AGAP4: variants seen among roughly 807,000 people sequenced by gnomAD.
AGAP4 encodes the protein arf-GAP with GTPase, ANK repeat and PH domain-containing protein 4.
AGAP4 carries 13 observed loss-of-function variants against 60.7 expected under a neutral mutation model. The observed-to-expected ratio is 0.21, with a 90% CI of 0.14 to 0.34. The LOEUF (loss-of-function observed/expected upper bound fraction) is 0.34. Among genes scored for constraint, AGAP4 ranks in the 10% least tolerant of loss-of-function variants. AGAP4 has a pLI of 1.00. For missense variants in AGAP4, 169 were observed against 884.0 expected (o/e 0.19, Z 10.26); for synonymous variants, 70 against 339.0 (o/e 0.21, Z 8.72).
At chr10:45,844,268 C>A in intron 3 of AGAP4, 58 bp downstream of exon 3, 3 of 1,591,536 alleles carry the variant, frequency 1.9e-6, no homozygotes, top group Non-Finnish European at 2.5e-6. Context: ...CTTTCTATAA[C>A]CTGATCAAAC....
At chr10:45,854,064 G>C (rs1435814768), upstream of AGAP4, 95 of 333,026 alleles carry the variant, frequency 2.9e-4, 1 homozygote, top group East Asian at 4.2e-3. Flanking sequence ...GCAGACAATA[G>C]CTACGACCTG....
chr10:45,831,907 T>C (rs2058737698), intron 5 of AGAP4, among the ~76,000 whole-genome samples: 1 of 148,130 alleles, frequency 6.8e-6, no homozygotes, highest in Non-Finnish European at 1.5e-5. Flanking sequence ...GCCCAGATAA[T>C]GTTTTTTTGG....
Position 45,834,041 on chromosome 10 carries a change from G to C in AGAP4, c.472C>G (p.His158Asp), listed in dbSNP as rs1252895719. 1.3e-6 allele frequency: 2 copies of C among 1,594,540 alleles called. No individual in the cohort carries two copies. Among genetic ancestry groups the C allele is most frequent in the African/African-American group, 2.8e-5 (2 of 71,250 alleles). ...GATATTATTGTCATTGTAAGATAAT[G>C]CTGGATGGCTGTGCTGTCATCAAGG... Reference protein sequence around the residue: ...IFLDDSTAIQHYLTMTIISVT... With the variant: ...IFLDDSTAIQDYLTMTIISVT... The change falls in exon 5 of 8, where the codon CAT (histidine) becomes GAT (aspartate). Residue 158 changes from histidine (H) to aspartate (D), a missense_variant. Physicochemically the swap from His to Asp is moderately conservative, Grantham distance 81 (BLOSUM62 -1). Coordinates refer to ENST00000616763, the MANE Select transcript of AGAP4 (RefSeq NM_001276343.3).
chr10:45,835,061 C>A (rs1324409262), intron 4 of AGAP4, among the ~76,000 whole-genome samples: 2 of 139,162 alleles, frequency 1.4e-5, no homozygotes, highest in Admixed American at 1.4e-4. Flanking sequence ...GCGTGAGCCA[C>A]GGCGCCCAGC....
chr10:45,846,052 T>C (rs1288425386), intron 2 of AGAP4, among the ~76,000 whole-genome samples: 18 of 134,152 alleles, frequency 1.3e-4, no homozygotes, highest in African/African-American at 4.0e-4. Context: ...AAAGTCTACA[T>C]TGACGTTTCA....
chr10:45,834,143 A>G, intron 4 of AGAP4, 27 bp from the exon 5 acceptor site: 1 of 1,531,120 alleles, frequency 6.5e-7, no homozygotes, highest in Non-Finnish European at 8.9e-7. Context: ...GTGTAAGTCA[A>G]ACTTATCAAA....
chr10:45,853,367 T>G (rs1238615737), intron 1 of AGAP4, among the ~76,000 whole-genome samples: 1 of 151,398 alleles, frequency 6.6e-6, no homozygotes, highest in Non-Finnish European at 1.5e-5. Context: ...CAGTCTTCCA[T>G]TGTTTAGACC....
Position 45,827,281 on chromosome 10 carries a change from C to T in AGAP4, c.695G>A (p.Ser232Asn). 2 of 1,576,842 alleles carry T rather than the reference C, an allele frequency of 1.3e-6. No homozygotes were observed. The highest frequency in any genetic ancestry group is 1.7e-6 in the Non-Finnish European group (2 of 1,163,368). ...PSTSQEDPQF[S>N]VPPTANTPTP... ...GGGTGTGTTGGCAGTGGGAGGAACA[C>T]TGAACTGAGGGTCCTCCTGGCTGGT... is the stretch of plus-strand genomic sequence containing the variant. Residue 232 changes from serine (S) to asparagine (N), a missense_variant, in exon 8 of 8, where the codon AGT (serine) becomes AAT (asparagine). Transcript: ENST00000616763.
chr10:45,849,677 G>T (rs1448983229), upstream of AGAP4, among the ~76,000 whole-genome samples: 102 of 144,250 alleles, frequency 7.1e-4, no homozygotes, highest in African/African-American at 2.5e-3. Flanking sequence ...TTTCTCTCTT[G>T]TTGCCCAGGC....
At chr10:45,832,644 C>CACCCCAA (rs2058753154) in intron 5 of AGAP4, among the ~76,000 whole-genome samples, 1 of 146,382 alleles carries the variant, frequency 6.8e-6, no homozygotes, top group Non-Finnish European at 1.5e-5. Context: ...TCCCGATTTT[C>CACCCCAA]CTAAAAGGCT....
At chr10:45,843,940 AT>A (rs1554899046) in intron 3 of AGAP4, among the ~76,000 whole-genome samples, 2 of 150,096 alleles carry the variant, frequency 1.3e-5, no homozygotes, top group African/African-American at 5.1e-5. Flanking sequence ...ATTTGTTTAA[AT>A]GAAAACCAAG....
upstream of AGAP4, chr10:45,854,639 A>G (rs1288056304): frequency 5.5e-4 from 41 of 74,686 alleles, 1 homozygote; most frequent in African/African-American, 1.9e-3. Flanking sequence ...CTCTCAAAAA[A>G]AAAAAAAAAA....
chr10:45,851,093 GA>G (rs544654262), upstream of AGAP4, among the ~76,000 whole-genome samples: 48 of 147,324 alleles, frequency 3.3e-4, 1 homozygote, highest in African/African-American at 4.5e-4. Flanking sequence ...GCTAATACAT[GA>G]AAAAAAAAAG....
At chr10:45,832,456 AT>A (rs2058750312) in intron 5 of AGAP4, among the ~76,000 whole-genome samples, 1 of 148,504 alleles carries the variant, frequency 6.7e-6, no homozygotes, top group South Asian at 2.2e-4. Context: ...TATCTGCCTC[AT>A]CTTCCACATG....
upstream of AGAP4, chr10:45,853,895 A>G: frequency 1.7e-6 from 2 of 1,199,932 alleles, no homozygotes; most frequent in East Asian, 5.8e-5. Context: ...CAGGTCTCTC[A>G]TGATCCCAGG....
chr10:45,850,439 T>C (rs1222746968), upstream of AGAP4, among the ~76,000 whole-genome samples: 2 of 151,732 alleles, frequency 1.3e-5, no homozygotes, highest in Admixed American at 6.6e-5. Context: ...CCCACCTCTA[T>C]TTGACCTCAA....
At chr10:45,851,582 C>T (rs1171213846), upstream of AGAP4, among the ~76,000 whole-genome samples, 2 of 151,012 alleles carry the variant, frequency 1.3e-5, no homozygotes, top group African/African-American at 4.9e-5. Context: ...GCTTCTCTTC[C>T]CAAGTATTTG....
At chr10:45,853,411 C>T (rs1158026914) in intron 1 of AGAP4, among the ~76,000 whole-genome samples, 1 of 150,758 alleles carries the variant, frequency 6.6e-6, no homozygotes, top group East Asian at 2.0e-4. Flanking sequence ...TGTTAAGGTA[C>T]CTGGGTTATT....
chr10:45,829,793 G>C (rs1340927138), intron 6 of AGAP4, among the ~76,000 whole-genome samples: 3,333 of 147,660 alleles, frequency 0.023, 27 homozygotes, highest in East Asian at 0.045. Context: ...AAGCTTTCCT[G>C]TGGACTTTGA....
Sources: allele counts gnomAD v4.1 joint callset (sites outside exome capture counted in the v4.1 genomes callset), GRCh38; gene constraint gnomAD v4.1.1; transcripts MANE v1.5; gene names NCBI Gene and HGNC (gene_info 2026-07-23, HGNC 2026-07-21).